The following GNB1 variants were observed in gnomAD, a reference collection of about 807,000 sequenced individuals.
The protein encoded by GNB1 is G protein subunit beta 1.
GNB1 carries 2 observed loss-of-function variants against 42.9 expected under a neutral mutation model. The observed-to-expected ratio is 0.05, with a 90% CI of 0.02 to 0.15. GNB1 has a LOEUF of 0.15. Among genes scored for constraint, GNB1 ranks in the 10% least tolerant of loss-of-function variants. The pLI, the probability that GNB1 is intolerant of heterozygous loss-of-function variation, is 1.00. For missense variants in GNB1, 193 were observed against 462.2 expected (o/e 0.42, Z 5.34); for synonymous variants, 183 against 174.7 (o/e 1.05, Z -0.38).
chr1:1,804,042 C>T (rs1056060717), intron 7 of GNB1, among the ~76,000 whole-genome samples: 6 of 144,242 alleles, frequency 4.2e-5, no homozygotes, highest in Non-Finnish European at 7.5e-5. Context: ...ACCTGTAATC[C>T]CAGCACTTTG....
At chr1:1,803,988 AAAAAAAAAAAAAAAAG>A (rs1211719799) in intron 7 of GNB1, among the ~76,000 whole-genome samples, 1 of 84,280 alleles carries the variant, frequency 1.2e-5, no homozygotes, top group Non-Finnish European at 2.6e-5. Context: ...TCTTTAAAAA[AAAAAAAAAAAAAAAAG>A]AAAAAAAGGC....
chr1:1,822,258 A>AT (rs1419352851), intron 3 of GNB1, among the ~76,000 whole-genome samples: 6 of 150,808 alleles, frequency 4.0e-5, no homozygotes, highest in Non-Finnish European at 7.4e-5. Context: ...AAGTACTGGG[A>AT]TTAACGGCAT....
intron 1 of GNB1, among the ~76,000 whole-genome samples, chr1:1,883,989 G>A (rs988815386): frequency 1.5e-5 from 2 of 137,636 alleles, no homozygotes; most frequent in African/African-American, 5.5e-5. Context: ...TTTTTTGACC[G>A]AGTTTCACTC....
At chr1:1,860,873 C>T (rs1314836096) in intron 1 of GNB1, among the ~76,000 whole-genome samples, 2 of 151,876 alleles carry the variant, frequency 1.3e-5, no homozygotes, top group African/African-American at 2.4e-5. Context: ...TTTGGGAGGC[C>T]GAGCCGGACA....
intron 1 of GNB1, among the ~76,000 whole-genome samples, chr1:1,870,240 G>A (rs1021409037): frequency 1.3e-5 from 2 of 152,150 alleles, no homozygotes; most frequent in Non-Finnish European, 2.9e-5. Flanking sequence ...CACCCAGACT[G>A]GAGTACAGTG....
In GNB1 at chr1:1,790,216, G is replaced by A. The variant is rs983324110; in HGVS notation, c.699+179C>T. ...TACAACACCCTGTGAGTATCTGTGAGACAAGTGGTCAACACAGAGAAGTTT... is the reference window on the plus strand; with the variant it reads ...TACAACACCCTGTGAGTATCTGTGAAACAAGTGGTCAACACAGAGAAGTTT... On this transcript the variant is annotated intron_variant, in intron 9 of 11. Coordinates refer to ENST00000378609, the MANE Select transcript of GNB1 (RefSeq NM_002074.5). This position sits in a 1 kb window ranked among gnomAD's most constrained non-coding sequence, Gnocchi z 5.4. Among the ~76,000 whole-genome samples the A allele has an allele frequency of 1.3e-5, 2 of 152,220 alleles. No individual in the cohort carries two copies. Among genetic ancestry groups the A allele is most frequent in the African/African-American group, 2.4e-5 (1 of 41,454 alleles).
At chr1:1,842,981 G>A (rs1647397106) in intron 1 of GNB1, among the ~76,000 whole-genome samples, 3 of 152,184 alleles carry the variant, frequency 2.0e-5, no homozygotes, top group South Asian at 2.1e-4. Context: ...ATTTTAGGCA[G>A]GGGTGTGTGT....
chr1:1,859,213 G>C (rs61774998), intron 1 of GNB1, among the ~76,000 whole-genome samples: 1 of 151,916 alleles, frequency 6.6e-6, no homozygotes. Context: ...GTAGAGACAG[G>C]GTTTCACAAT....
chr1:1,824,734 A>G (rs1646974417), intron 3 of GNB1, among the ~76,000 whole-genome samples: 2 of 152,012 alleles, frequency 1.3e-5, no homozygotes, highest in South Asian at 4.1e-4. Context: ...CACCACACCC[A>G]GCTAATTTTT....
chr1:1,816,707 G>A (rs188998579), intron 4 of GNB1, among the ~76,000 whole-genome samples: 65 of 146,626 alleles, frequency 4.4e-4, no homozygotes, highest in Non-Finnish European at 7.9e-4. Flanking sequence ...GGAGTGCAGT[G>A]GTGCGATCTC....
intron 1 of GNB1, among the ~76,000 whole-genome samples, chr1:1,868,181 T>A (rs528114916): frequency 3.9e-5 from 6 of 152,174 alleles, no homozygotes; most frequent in African/African-American, 1.4e-4. Flanking sequence ...TTTTGTTTTT[T>A]TGTTTTTTTT....
At position 1,790,376 on chromosome 1, in the gene GNB1, C is replaced by T. The variant is rs773385139; in HGVS notation, c.699+19G>A. ...AGAGACGGCAGAGGACCCGACCCCA[C>T]ACCTCCACCCAGACTCACGCAAATG... On this transcript the variant is annotated intron_variant, in intron 9 of 11. Coordinates refer to ENST00000378609, the MANE Select transcript of GNB1 (RefSeq NM_002074.5). The surrounding 1 kb of genome is among the most constrained non-coding windows in gnomAD (Gnocchi z 5.4). 3.2e-6 allele frequency: 5 copies of T among 1,584,460 alleles called. No individual in the cohort carries two copies. The African/African-American group carries it at 5.4e-5, about 17-fold the overall frequency.
chr1:1,833,301 C>G (rs1160614976), intron 2 of GNB1, among the ~76,000 whole-genome samples: 4 of 152,200 alleles, frequency 2.6e-5, no homozygotes, highest in African/African-American at 9.6e-5. Context: ...GAATTTAAAC[C>G]AATTTCACTC....
At chr1:1,843,497 G>A (rs1647439823) in intron 1 of GNB1, among the ~76,000 whole-genome samples, 1 of 152,236 alleles carries the variant, frequency 6.6e-6, no homozygotes, top group East Asian at 1.9e-4. Flanking sequence ...ACGGTGCTGG[G>A]ATTGCAGGCA....
chr1:1,790,708 C>T lies in GNB1; in HGVS notation c.498-112G>A. 4.5e-6 allele frequency: 3 copies of T among 669,360 alleles called. No individual in the cohort carries two copies. Among genetic ancestry groups the T allele is most frequent in the Non-Finnish European group, 5.3e-6 (2 of 375,836 alleles). 41.5% of individuals were successfully genotyped at this position (669,360 alleles called of 1,614,324 possible). On this transcript the variant is annotated intron_variant, in intron 8 of 11. Coordinates refer to ENST00000378609, the MANE Select transcript of GNB1 (RefSeq NM_002074.5). The surrounding 1 kb of genome is among the most constrained non-coding windows in gnomAD (Gnocchi z 5.4). ...CCCAGGGCCACAGTGAGCCTCTGCA[C>T]TGTTACTTTAAAAACGTAAATTGTT...
intron 1 of GNB1, among the ~76,000 whole-genome samples, chr1:1,885,444 TTAGA>T (rs111906587): frequency 0.24 from 36,213 of 151,144 alleles, 4,486 homozygotes; most frequent in Non-Finnish European, 0.26. Context: ...AGGAATTACC[TTAGA>T]TAATCTTAAT....
chr1:1,872,437 C>T (rs973237608), intron 1 of GNB1, among the ~76,000 whole-genome samples: 2 of 152,204 alleles, frequency 1.3e-5, no homozygotes, highest in African/African-American at 4.8e-5. Context: ...TCAAGACTGT[C>T]CTGGGCAAAC....
At chr1:1,842,601 G>T (rs1278240371) in intron 1 of GNB1, among the ~76,000 whole-genome samples, 4 of 152,278 alleles carry the variant, frequency 2.6e-5, no homozygotes, top group African/African-American at 9.6e-5. Context: ...TGCAGTGGTT[G>T]CCAGGGGCTG....
At chr1:1,859,764 T>C (rs1648516274) in intron 1 of GNB1, among the ~76,000 whole-genome samples, 1 of 150,266 alleles carries the variant, frequency 6.7e-6, no homozygotes, top group South Asian at 2.1e-4. Context: ...ATCCCAGCAC[T>C]TTGGGAGGCC....
Sources: allele counts gnomAD v4.1 joint callset (sites outside exome capture counted in the v4.1 genomes callset), GRCh38; gene constraint gnomAD v4.1.1; non-coding constraint Gnocchi (gnomAD v3.1); transcripts MANE v1.5; gene names NCBI Gene and HGNC (gene_info 2026-07-23, HGNC 2026-07-21).